Variants in ADAMTS9 observed in about 807,000 individuals in gnomAD.
ADAMTS9 encodes the protein A disintegrin and metalloproteinase with thrombospondin motifs 9.
In ADAMTS9, 107 loss-of-function variants were observed where a neutral mutation model predicts 257.1. The ratio of observed to expected loss-of-function variants is 0.42; its 90% confidence interval spans 0.36 to 0.49. The LOEUF (loss-of-function observed/expected upper bound fraction) is 0.49, where lower values mean the gene tolerates loss of function less well. ADAMTS9 is among the 20% of genes least tolerant of loss of function. ADAMTS9 has a pLI of 0.03. For synonymous variants in ADAMTS9, 982 were observed against 880.9 expected, an observed-to-expected ratio of 1.11 and a Z score of -2.03; for missense variants, 2,353 against 2,469.1, an observed-to-expected ratio of 0.95 and a Z score of 1.00.
chr3:64,664,987 T>C lies in ADAMTS9; in HGVS notation c.680-6196A>G, dbSNP rs118001831. ...AATTAATCATGTTTACTTAATTAAA[T>C]AGCTTATGAAGAACCTGGCCCAGCT... is the stretch of plus-strand genomic sequence containing the variant. On this transcript the variant is annotated intron_variant, in intron 3 of 39. Transcript: ENST00000498707. Among the ~76,000 whole-genome samples the C allele has an allele frequency of 1.2e-3, 181 of 152,328 alleles. 1 individual carries two copies. The East Asian group carries it at 0.03, about 25-fold the overall frequency.
intron 39 of ADAMTS9, among the ~76,000 whole-genome samples, chr3:64,517,376 T>C (rs1159072267): frequency 7.0e-6 from 1 of 142,568 alleles, no homozygotes; most frequent in Non-Finnish European, 1.5e-5. Context: ...AGTAGCTGGG[T>C]CTACAGGTGC....
chr3:64,634,951 A>T (rs1700457833), intron 12 of ADAMTS9, among the ~76,000 whole-genome samples: 1 of 152,266 alleles, frequency 6.6e-6, no homozygotes, highest in South Asian at 2.1e-4. Context: ...CTTGGTTCCA[A>T]TCTGGCCCTA....
chr3:64,623,310 G>A (rs994333240), intron 16 of ADAMTS9, among the ~76,000 whole-genome samples: 4 of 152,168 alleles, frequency 2.6e-5, no homozygotes, highest in African/African-American at 4.8e-5. Context: ...CTCTGGTTCT[G>A]GAAGAAGCCA....
chr3:64,532,785 TAAA>T (rs1384560817), intron 38 of ADAMTS9, among the ~76,000 whole-genome samples: 1 of 152,162 alleles, frequency 6.6e-6, no homozygotes, highest in Non-Finnish European at 1.5e-5. Context: ...TTTTTCTAAA[TAAA>T]AAGAAGAGGT....
chr3:64,595,644 C>T (rs1376833571), intron 27 of ADAMTS9, among the ~76,000 whole-genome samples: 1 of 152,168 alleles, frequency 6.6e-6, no homozygotes, highest in East Asian at 1.9e-4. Context: ...CAAAGCTCTC[C>T]AGAATGACAT....
rs536530554 is a variant in ADAMTS9, at chr3:64,528,221, T to C, written c.5718+4945A>G. ...CATGCTGCCTGTCTCTGAAGGCCTA[T>C]TCCAGAATCTTCTACCTGGAAGAGA... On this transcript the variant is annotated intron_variant, in intron 38 of 39. Transcript: ENST00000498707. 1.4e-4 allele frequency among the ~76,000 whole-genome samples: 22 copies of C among 152,250 alleles called. No individual in the cohort carries two copies. In the South Asian group the frequency reaches 2.9e-3, roughly 20 times the overall value.
chr3:64,626,292 A>G (rs1166068185), intron 16 of ADAMTS9, among the ~76,000 whole-genome samples: 1 of 152,236 alleles, frequency 6.6e-6, no homozygotes, highest in Non-Finnish European at 1.5e-5. Context: ...GCTCCTAATC[A>G]TGGAAATCCA....
chr3:64,621,071 C>G, intron 19 of ADAMTS9, 43 bp downstream of exon 19: 1 of 1,572,302 alleles, frequency 6.4e-7, no homozygotes, highest in Non-Finnish European at 8.6e-7. Flanking sequence ...CTGCAAGACT[C>G]TCACAATTCA....
intron 16 of ADAMTS9, among the ~76,000 whole-genome samples, chr3:64,626,644 C>T (rs1467017540): frequency 6.6e-6 from 1 of 152,092 alleles, no homozygotes; most frequent in Non-Finnish European, 1.5e-5. Context: ...CACCACTACC[C>T]AATATATGCA....
At chr3:64,589,060 C>T (rs926860364) in intron 28 of ADAMTS9, 3 of 152,092 alleles carry the variant, frequency 2.0e-5, no homozygotes, top group Non-Finnish European at 2.9e-5. Flanking sequence ...GTAAAAGTAT[C>T]ATATTTATAA....
intron 30 of ADAMTS9, among the ~76,000 whole-genome samples, chr3:64,552,081 A>AG (rs1284940503): frequency 1.3e-5 from 2 of 152,222 alleles, no homozygotes; most frequent in African/African-American, 4.8e-5. Context: ...CAGACAACAA[A>AG]GAAGATAGCT....
chr3:64,641,598 C>T (rs9831846), intron 12 of ADAMTS9, among the ~76,000 whole-genome samples: 44,081 of 150,492 alleles, frequency 0.29, 8,026 homozygotes, highest in East Asian at 0.5. Flanking sequence ...AGGAAACAGA[C>T]CGACCACAAA....
chr3:64,610,126 T>C (rs1355742498), intron 22 of ADAMTS9, among the ~76,000 whole-genome samples: 4 of 152,140 alleles, frequency 2.6e-5, no homozygotes, highest in African/African-American at 7.2e-5. Flanking sequence ...CCAAAATGGA[T>C]CAGTGGCCCA....
At chr3:64,584,873 T>C (rs1201084769) in intron 28 of ADAMTS9, among the ~76,000 whole-genome samples, 2 of 152,176 alleles carry the variant, frequency 1.3e-5, no homozygotes, top group Non-Finnish European at 2.9e-5. Flanking sequence ...AGGACACTCT[T>C]TTATGTAAAT....
At chr3:64,667,721 A>G (rs1432910828) in intron 3 of ADAMTS9, among the ~76,000 whole-genome samples, 1 of 152,160 alleles carries the variant, frequency 6.6e-6, no homozygotes, top group African/African-American at 2.4e-5. Flanking sequence ...AACAACAATG[A>G]CTATAGGCTA....
chr3:64,551,334 C>T (rs1351317696), intron 30 of ADAMTS9, among the ~76,000 whole-genome samples: 17 of 152,096 alleles, frequency 1.1e-4, no homozygotes, highest in African/African-American at 2.4e-4. Context: ...CTCAGCCTCC[C>T]GAGTAGCTGG....
intron 38 of ADAMTS9, among the ~76,000 whole-genome samples, chr3:64,529,413 G>A (rs866723803): frequency 1.3e-5 from 2 of 151,898 alleles, no homozygotes; most frequent in South Asian, 4.2e-4. Flanking sequence ...GGAAAATTGA[G>A]GTTTTCATTT....
chr3:64,539,008 C>T (rs2083087318), intron 37 of ADAMTS9, among the ~76,000 whole-genome samples, 195 bp downstream of exon 37: 1 of 152,112 alleles, frequency 6.6e-6, no homozygotes, highest in Admixed American at 6.5e-5. Flanking sequence ...ATGATCATTT[C>T]CTTAGGACCC....
intron 16 of ADAMTS9, among the ~76,000 whole-genome samples, chr3:64,623,353 C>G (rs921036521): frequency 6.6e-6 from 1 of 152,190 alleles, no homozygotes; most frequent in Admixed American, 6.5e-5. Flanking sequence ...AAAGAACCCA[C>G]AGAGAGGCCT....
Sources: allele counts gnomAD v4.1 joint callset (sites outside exome capture counted in the v4.1 genomes callset), GRCh38; gene constraint gnomAD v4.1.1; transcripts MANE v1.5; gene names NCBI Gene and HGNC (gene_info 2026-07-23, HGNC 2026-07-21).